Variants in PIGC observed in about 807,000 individuals in gnomAD.
The protein encoded by PIGC is phosphatidylinositol N-acetylglucosaminyltransferase subunit C.
PIGC carries 14 observed loss-of-function variants against 20.9 expected under a neutral mutation model. The ratio of observed to expected loss-of-function variants is 0.67; its 90% confidence interval spans 0.44 to 1.05. The LOEUF is 1.05. Among genes scored for constraint, PIGC ranks in the 50% least tolerant of loss-of-function variants. The pLI is 0.00. For synonymous variants in PIGC, 132 were observed against 141.4 expected, an observed-to-expected ratio of 0.93 and a Z score of 0.47; for missense variants, 310 against 360.9, an observed-to-expected ratio of 0.86 and a Z score of 1.14.
At position 172,442,547 on chromosome 1, in the gene PIGC, C is replaced by T; in HGVS notation, c.76G>A (p.Asp26Asn). ...AGGAATCGCCGGTCCACATAGTTAT[C>T]AGGAAAGGGCTGTCGCTCATACAAG... ...KVLYERQPFP[D>N]NYVDRRFLEE... Residue 26 changes from aspartate (D) to asparagine (N), a missense_variant, in exon 2 of 2, where the codon GAT becomes AAT. Transcript: ENST00000344529. The T allele has an allele frequency of 6.2e-7, 1 of 1,614,160 alleles. No individual in the cohort carries two copies. The highest frequency in any genetic ancestry group is 2.2e-5 in the East Asian group (1 of 44,890).
Position 172,442,000 on chromosome 1 carries a change from T to A in PIGC, c.623A>T (p.Gln208Leu), listed in dbSNP as rs756810468. 6.2e-7 allele frequency: 1 copy of A among 1,614,198 alleles called. No homozygotes were observed. The highest frequency in any genetic ancestry group is 8.5e-7 in the Non-Finnish European group (1 of 1,180,038). The change falls in exon 2 of 2, where the codon CAG becomes CTG. Residue 208 changes from glutamine to leucine, a missense_variant. Physicochemically the swap from Gln to Leu is moderately radical, Grantham distance 113. Transcript: ENST00000344529. ...CAACATGGGCCACAGGGCAAAAATC[T>A]GAATGGCAAATGTCACCATGATGAA... is the stretch of plus-strand genomic sequence containing the variant. ...HAFIMVTFAIQIFALWPMLQK... is the reference protein window; with the variant it reads ...HAFIMVTFAILIFALWPMLQK...
rs368791739 is a variant in PIGC at position 172,441,906 on chromosome 1, G to A, written c.717C>T (p.Ala239=). The change falls in exon 2 of 2, where the codon GCC becomes GCT. Residue 239 remains alanine, a synonymous_variant. Transcript: ENST00000344529. ...CACTAATGGACAGTAGGCCTCCCAC[G>A]GCTGAAAATGCAAAAAGCAGTGTGA... is the stretch of plus-strand genomic sequence containing the variant. ...VGVTLLFAFS[A]VGGLLSISAV... is the part of the protein sequence containing the mutation. 1.7e-5 allele frequency: 28 copies of A among 1,614,002 alleles called. No homozygotes were observed. Among genetic ancestry groups the A allele is most frequent in the South Asian group, 9.9e-5 (9 of 91,082 alleles).
chr1:172,442,127 A>G lies in PIGC; in HGVS notation c.496T>C (p.Tyr166His), dbSNP rs1299289404. Residue 166 changes from tyrosine (Y) to histidine (H), a missense_variant, in exon 2 of 2, where the codon TAT becomes CAT. Coordinates refer to ENST00000344529, the MANE Select transcript of PIGC (RefSeq NM_153747.2). The part of the protein sequence containing the change: ...MLLGHLIFFD[Y>H]GANAAIVSST... The stretch of plus-strand genomic sequence containing the variant: ...GATACAATGGCAGCATTGGCACCAT[A>G]GTCAAAAAAGATGAGATGGCCTAAC... The G allele has an allele frequency of 6.2e-7, 1 of 1,614,226 alleles. No individual in the cohort carries two copies. The highest frequency in any genetic ancestry group is 8.5e-7 in the Non-Finnish European group (1 of 1,180,032).
chr1:172,442,491 C>A lies in PIGC; in HGVS notation c.132G>T (p.Arg44=). Residue 44 remains arginine (R), a synonymous_variant, in exon 2 of 2, where the codon CGG becomes CGT. Coordinates refer to ENST00000344529, the MANE Select transcript of PIGC (RefSeq NM_153747.2). The part of the protein sequence containing the change: ...LEELRKNIHA[R]KYQYWAVVFE... Reference sequence around the variant, plus strand: ...ATACCACAGCCCAATATTGGTATTTCCGAGCATGGATGTTTTTCCGGAGCT... The same window carrying A: ...ATACCACAGCCCAATATTGGTATTTACGAGCATGGATGTTTTTCCGGAGCT... 6.2e-7 allele frequency: 1 copy of A among 1,614,164 alleles called. No individual in the cohort carries two copies. Among genetic ancestry groups the A allele is most frequent in the Non-Finnish European group, 8.5e-7 (1 of 1,180,022 alleles).
At position 172,442,271 on chromosome 1, in the gene PIGC, C is replaced by G. The variant is rs564057821; in HGVS notation, c.352G>C (p.Ala118Pro). ...GRKKSGQTRW[A>P]DLKSALVFIT... Reference sequence around the variant, plus strand: ...AAGACTAGGGCACTCTTCAGGTCAGCCCACCGGGTCTGCCCACTCTTCTTC... The same window carrying G: ...AAGACTAGGGCACTCTTCAGGTCAGGCCACCGGGTCTGCCCACTCTTCTTC... The change falls in exon 2 of 2, where the codon GCT becomes CCT. Residue 118 changes from alanine (A) to proline (P), a missense_variant. By Grantham distance (27) the Ala-to-Pro change is conservative. Transcript: ENST00000344529. The G allele has an allele frequency of 6.8e-6, 11 of 1,613,754 alleles. No individual in the cohort carries two copies. The South Asian group carries it at 1.2e-4, about 18-fold the overall frequency.
intron 1 of PIGC, 68 bp downstream of exon 1, chr1:172,443,920 G>C (rs1039116246): frequency 1.3e-5 from 13 of 976,948 alleles, no homozygotes; most frequent in Non-Finnish European, 1.5e-5. Flanking sequence ...ACTCAGCCTT[G>C]GGTCTGCGGG....
intron 1 of PIGC, chr1:172,443,175 G>A: frequency 5.9e-6 from 1 of 168,180 alleles, no homozygotes. Flanking sequence ...ACAGAGCAGA[G>A]CCAGGATTCA....
Position 172,442,482 on chromosome 1 carries a change from T to C in PIGC, c.141A>G (p.Gln47=), listed in dbSNP as rs1290984773. ...LRKNIHARKY[Q]YWAVVFESSV... ...TGGACTCAAATACCACAGCCCAATA[T>C]TGGTATTTCCGAGCATGGATGTTTT... The change falls in exon 2 of 2, where the codon CAA becomes CAG. Residue 47 remains glutamine, a synonymous_variant. Transcript: ENST00000344529. 1.2e-6 allele frequency: 2 copies of C among 1,614,134 alleles called. No homozygotes were observed. The highest frequency in any genetic ancestry group is 1.7e-5 in the Admixed American group (1 of 60,020).
chr1:172,442,047 A>T lies in PIGC; in HGVS notation c.576T>A (p.Arg192=). The T allele has an allele frequency of 6.2e-7, 1 of 1,614,248 alleles. No individual in the cohort carries two copies. Among genetic ancestry groups the T allele is most frequent in the Non-Finnish European group, 8.5e-7 (1 of 1,180,044 alleles). The change falls in exon 2 of 2, where the codon CGT becomes CGA. Residue 192 remains arginine (R), a synonymous_variant. Coordinates refer to ENST00000344529, the MANE Select transcript of PIGC (RefSeq NM_153747.2). ...AIFASVCLAS[R]LPRSLHAFIM... ...TGAAGGCATGCAGGGACCGGGGAAG[A>T]CGTGATGCCAAGCATACAGAAGCAA... is the stretch of plus-strand genomic sequence containing the variant.
In PIGC at chr1:172,441,691, C is replaced by T; in HGVS notation, c.*38G>A. 1 of 1,478,482 alleles carries T rather than the reference C, an allele frequency of 6.8e-7. No homozygotes were observed. Among genetic ancestry groups the T allele is most frequent in the Non-Finnish European group, 9.1e-7 (1 of 1,099,908 alleles). The allele number at this position is 1,478,482 out of a possible 1,614,324, so 91.6% of individuals were successfully genotyped here. A position where few individuals can be genotyped will look rare whatever the true frequency, so the allele number is the denominator to read the frequency against. On this transcript the variant is annotated 3_prime_UTR_variant, in exon 2 of 2. Transcript: ENST00000344529. ...GTTCTATACTAGTTAGGAGGCTAAT[C>T]TATCAGCTTGCTTTAATAATGTAAT... is the stretch of plus-strand genomic sequence containing the variant.
chr1:172,443,642 G>A (rs1316438707), intron 1 of PIGC: 1 of 167,046 alleles, frequency 6.0e-6, no homozygotes, highest in Non-Finnish European at 1.5e-5. Context: ...CATATTGCCC[G>A]ACTTTATTTC....
rs1647462731 is a variant in PIGC at position 172,442,718 on chromosome 1, T to C, written c.-96A>G. 9.5e-7 allele frequency: 1 copy of C among 1,049,640 alleles called. No homozygotes were observed. The highest frequency in any genetic ancestry group is 1.4e-6 in the Non-Finnish European group (1 of 698,254). The allele number at this position is 1,049,640 out of a possible 1,614,324, so 65.0% of individuals were successfully genotyped here. The stretch of plus-strand genomic sequence containing the variant: ...ATGAAGTTTTGAAATGAGACCTCCC[T>C]GGAAATTCCATGCTGTGTTGATGTT... On this transcript the variant is annotated 5_prime_UTR_variant, in exon 2 of 2. Transcript: ENST00000344529.
chr1:172,441,658 G>C lies in PIGC; in HGVS notation c.*71C>G. On this transcript the variant is annotated 3_prime_UTR_variant, in exon 2 of 2. Coordinates refer to ENST00000344529, the MANE Select transcript of PIGC (RefSeq NM_153747.2). ...CATGCTGCTTCCAGAATGGAACTCT[G>C]TCTTTAAGTTCTATACTAGTTAGGA... is the stretch of plus-strand genomic sequence containing the variant. The C allele has an allele frequency of 7.7e-7, 1 of 1,293,298 alleles. No individual in the cohort carries two copies. The highest frequency in any genetic ancestry group is 1.1e-6 in the Non-Finnish European group (1 of 944,756). The allele number at this position is 1,293,298 out of a possible 1,614,324, so 80.1% of individuals were successfully genotyped here. A position where few individuals can be genotyped will look rare whatever the true frequency, so the allele number is the denominator to read the frequency against.
In PIGC at chr1:172,442,102, G is replaced by C; in HGVS notation, c.521C>G (p.Ser174Cys). 1 of 1,614,188 alleles carries C rather than the reference G, an allele frequency of 6.2e-7. No individual in the cohort carries two copies. The highest frequency in any genetic ancestry group is 2.2e-5 in the East Asian group (1 of 44,892). The change falls in exon 2 of 2, where the codon TCC becomes TGC. Residue 174 changes from serine to cysteine, a missense_variant. Ser to Cys is a moderately radical substitution (Grantham distance 112). Coordinates refer to ENST00000344529, the MANE Select transcript of PIGC (RefSeq NM_153747.2). ...FDYGANAAIV[S>C]STLSLNMAIF... ...GGCCATGTTCAAGGATAGTGTGCTG[G>C]ATACAATGGCAGCATTGGCACCATA...
rs773759506 is a variant in PIGC at position 172,442,512 on chromosome 1, G to T, written c.111C>A (p.Leu37=). 3.7e-6 allele frequency: 6 copies of T among 1,613,998 alleles called. No homozygotes were observed. The Admixed American group carries it at 5.0e-5, about 13-fold the overall frequency. The change falls in exon 2 of 2, where the codon CTC becomes CTA. Residue 37 remains leucine (L), a synonymous_variant. Transcript: ENST00000344529. The part of the protein sequence containing the change: ...NYVDRRFLEE[L]RKNIHARKYQ... ...ATTTCCGAGCATGGATGTTTTTCCGGAGCTCTTCCAGGAATCGCCGGTCCA... is the reference window on the plus strand; with the variant it reads ...ATTTCCGAGCATGGATGTTTTTCCGTAGCTCTTCCAGGAATCGCCGGTCCA...
Position 172,442,344 on chromosome 1 carries a change from T to C in PIGC, c.279A>G (p.Ser93=). ...GATCAAACAAAACATACCCAATCAGTGAAGAAGCCAGACCAGTCCCTAAAA... is the reference window on the plus strand; with the variant it reads ...GATCAAACAAAACATACCCAATCAGCGAAGAAGCCAGACCAGTCCCTAAAA... ...HWLLGTGLAS[S]LIGYVLFDLI... is the part of the protein sequence containing the mutation. Residue 93 remains serine, a synonymous_variant, in exon 2 of 2, where the codon TCA becomes TCG. Coordinates refer to ENST00000344529, the MANE Select transcript of PIGC (RefSeq NM_153747.2). The C allele has an allele frequency of 6.2e-7, 1 of 1,613,082 alleles. No individual in the cohort carries two copies. Among genetic ancestry groups the C allele is most frequent in the Non-Finnish European group, 8.5e-7 (1 of 1,180,008 alleles).
chr1:172,442,002 A>T lies in PIGC; in HGVS notation c.621T>A (p.Ile207=). Residue 207 remains isoleucine, a synonymous_variant, in exon 2 of 2, where the codon ATT becomes ATA. Coordinates refer to ENST00000344529, the MANE Select transcript of PIGC (RefSeq NM_153747.2). The stretch of plus-strand genomic sequence containing the variant: ...ACATGGGCCACAGGGCAAAAATCTG[A>T]ATGGCAAATGTCACCATGATGAAGG... The part of the protein sequence containing the change: ...LHAFIMVTFA[I]QIFALWPMLQ... The T allele has an allele frequency of 6.2e-7, 1 of 1,614,242 alleles. No individual in the cohort carries two copies. The highest frequency in any genetic ancestry group is 8.5e-7 in the Non-Finnish European group (1 of 1,180,048).
chr1:172,442,549 G>C lies in PIGC; in HGVS notation c.74C>G (p.Pro25Arg). Residue 25 changes from proline to arginine, a missense_variant, in exon 2 of 2, where the codon CCT (proline) becomes CGT (arginine). By Grantham distance (103) the Pro-to-Arg change is moderately radical (BLOSUM62 -2). Transcript: ENST00000344529. ...QKVLYERQPF[P>R]DNYVDRRFLE... Reference sequence around the variant, plus strand: ...GAATCGCCGGTCCACATAGTTATCAGGAAAGGGCTGTCGCTCATACAAGAC... The same window carrying C: ...GAATCGCCGGTCCACATAGTTATCACGAAAGGGCTGTCGCTCATACAAGAC... The C allele has an allele frequency of 6.2e-7, 1 of 1,614,164 alleles. No homozygotes were observed. Among genetic ancestry groups the C allele is most frequent in the Non-Finnish European group, 8.5e-7 (1 of 1,180,006 alleles).
At position 172,441,498 on chromosome 1, in the gene PIGC, T is replaced by C. The variant is rs140753224; in HGVS notation, c.*231A>G. ...TTAATAGAAACCACATCACTTCATA[T>C]GTTACAGCATGTAATTCAAGAGGTC... On this transcript the variant is annotated 3_prime_UTR_variant, in exon 2 of 2. Transcript: ENST00000344529. 3 of 394,502 alleles carry C rather than the reference T, an allele frequency of 7.6e-6. No individual in the cohort carries two copies. The highest frequency in any genetic ancestry group is 6.2e-5 in the African/African-American group (3 of 48,776). The allele number at this position is 394,502 out of a possible 1,614,324, so 24.4% of individuals were successfully genotyped here. A position where few individuals can be genotyped will look rare whatever the true frequency, so the allele number is the denominator to read the frequency against.
Sources: allele counts gnomAD v4.1 joint callset, GRCh38; gene constraint gnomAD v4.1.1; transcripts MANE v1.5; gene names NCBI Gene and HGNC (gene_info 2026-07-23, HGNC 2026-07-21).